RSPH9: variants seen among roughly 807,000 people sequenced by gnomAD.
RSPH9 encodes the protein radial spoke head component 9, also known as radial spoke head protein 9 homolog.
In RSPH9, 27 loss-of-function variants were observed where a neutral mutation model predicts 27.0. That is an observed-to-expected ratio of 1.00 (90% CI 0.74 to 1.38). The LOEUF is 1.38. Ranked by LOEUF, RSPH9 falls within the 40% of genes most tolerant of loss-of-function variation. The probability of loss-of-function intolerance (pLI) is 0.00; values close to 1 mark genes in which losing one functional copy is unlikely to be tolerated. For synonymous variants in RSPH9, 145 were observed against 147.7 expected, an observed-to-expected ratio of 0.98 and a Z score of 0.13; for missense variants, 347 against 357.4, an observed-to-expected ratio of 0.97 and a Z score of 0.24.
chr6:43,672,095 G>A lies in RSPH9; in HGVS notation c.*1146G>A, dbSNP rs1454711378. On this transcript the variant is annotated 3_prime_UTR_variant, in exon 5 of 5. Coordinates refer to ENST00000372163, the MANE Select transcript of RSPH9 (RefSeq NM_152732.5). ...AGCGTCCTGTAAACAGATGGGCTGGGCTCTTGCTGCCGCAAGCCTGTGTGG... is the reference window on the plus strand; with the variant it reads ...AGCGTCCTGTAAACAGATGGGCTGGACTCTTGCTGCCGCAAGCCTGTGTGG... 1.4e-6 allele frequency: 1 copy of A among 694,110 alleles called. No homozygotes were observed. The highest frequency in any genetic ancestry group is 2.4e-6 in the Non-Finnish European group (1 of 423,032). 43.0% of individuals were successfully genotyped at this position (694,110 alleles called of 1,614,324 possible).
intron 4 of RSPH9, among the ~76,000 whole-genome samples, chr6:43,667,971 T>C (rs1481577124): frequency 2.0e-5 from 3 of 152,028 alleles, no homozygotes; most frequent in Non-Finnish European, 2.9e-5. Flanking sequence ...GAGGTTTCCA[T>C]ACTAGCAAGG....
chr6:43,671,025 T>C lies in RSPH9; in HGVS notation c.*76T>C. The C allele has an allele frequency of 6.4e-7, 1 of 1,552,928 alleles. No individual in the cohort carries two copies. The highest frequency in any genetic ancestry group is 8.8e-7 in the Non-Finnish European group (1 of 1,132,672). ...TAAGCTTCAGTGAACTTGGCCTGCC[T>C]GTTCTGTCCTATCTTCTTAACTCCA... On this transcript the variant is annotated 3_prime_UTR_variant, in exon 5 of 5. Coordinates refer to ENST00000372163, the MANE Select transcript of RSPH9 (RefSeq NM_152732.5).
At chr6:43,649,785 T>C (rs971169281) in intron 1 of RSPH9, among the ~76,000 whole-genome samples, 2 of 152,024 alleles carry the variant, frequency 1.3e-5, no homozygotes, top group African/African-American at 2.4e-5. Flanking sequence ...ATCCACACAA[T>C]TGAGGAAAGT....
chr6:43,648,831 G>A (rs1771147639), intron 1 of RSPH9, among the ~76,000 whole-genome samples: 2 of 152,138 alleles, frequency 1.3e-5, no homozygotes, highest in South Asian at 2.1e-4. Context: ...GGGAAAGATT[G>A]CAAAAAGAAA....
Position 43,656,706 on chromosome 6 carries a change from A to G in RSPH9, c.653A>G (p.Glu218Gly). 1 of 1,614,150 alleles carries G rather than the reference A, an allele frequency of 6.2e-7. No individual in the cohort carries two copies. Among genetic ancestry groups the G allele is most frequent in the South Asian group, 1.1e-5 (1 of 91,076 alleles). Residue 218 changes from glutamate to glycine, a missense_variant, in exon 4 of 5, where the codon GAG becomes GGG. Coordinates refer to ENST00000372163, the MANE Select transcript of RSPH9 (RefSeq NM_152732.5). ...DPSLDFMDSL[E>G]HDIPKGSWSI... ...TCCCTGGATTTCATGGACTCCTTGG[A>G]GCATGACATTCCCAAAGGTAATAGT... is the stretch of plus-strand genomic sequence containing the variant.
Position 43,645,211 on chromosome 6 carries a change from A to G in RSPH9, c.113A>G (p.Asp38Gly). The G allele has an allele frequency of 6.2e-7, 1 of 1,613,202 alleles. No individual in the cohort carries two copies. Among genetic ancestry groups the G allele is most frequent in the Non-Finnish European group, 8.5e-7 (1 of 1,179,260 alleles). ...LLTSLMLVKR[D>G]YRYDRVLFWG... ...ACGTCTCTTATGCTGGTTAAGCGCGACTACCGCTATGATCGGGTTCTCTTC... is the reference window on the plus strand; with the variant it reads ...ACGTCTCTTATGCTGGTTAAGCGCGGCTACCGCTATGATCGGGTTCTCTTC... The change falls in exon 1 of 5, where the codon GAC becomes GGC. Residue 38 changes from aspartate to glycine, a missense_variant. By Grantham distance (94) the Asp-to-Gly change is moderately conservative. Coordinates refer to ENST00000372163, the MANE Select transcript of RSPH9 (RefSeq NM_152732.5).
Position 43,670,685 on chromosome 6 carries a change from T to C in RSPH9, c.671-104T>C, listed in dbSNP as rs112769121. On this transcript the variant is annotated intron_variant, in intron 4 of 4. Coordinates refer to ENST00000372163, the MANE Select transcript of RSPH9 (RefSeq NM_152732.5). ...AAATGGTCTCTCCCCAGTGGAACCATAGCACCTGGGCCTGGCTGCCCAAGG... is the reference window on the plus strand; with the variant it reads ...AAATGGTCTCTCCCCAGTGGAACCACAGCACCTGGGCCTGGCTGCCCAAGG... 2,548 of 918,556 alleles carry C rather than the reference T, an allele frequency of 2.8e-3. 44 individuals carry two copies. The African/African-American group carries it at 0.035, about 13-fold the overall frequency. The allele number at this position is 918,556 out of a possible 1,614,324, so 56.9% of individuals were successfully genotyped here. A position where few individuals can be genotyped will look rare whatever the true frequency, so the allele number is the denominator to read the frequency against.
intron 4 of RSPH9, among the ~76,000 whole-genome samples, chr6:43,664,412 T>C (rs1417862903): frequency 6.6e-6 from 1 of 152,172 alleles, no homozygotes; most frequent in Non-Finnish European, 1.5e-5. Context: ...TTAATTTTTT[T>C]AGTGGCAGAA....
Position 43,671,193 on chromosome 6 carries a change from C to G in RSPH9, c.*244C>G, listed in dbSNP as rs899489320. ...AATGGCTGTGGGAGAAGGTGACAACCAGGGCCCCTTTGAGGAACGCAGTTT... is the reference window on the plus strand; with the variant it reads ...AATGGCTGTGGGAGAAGGTGACAACGAGGGCCCCTTTGAGGAACGCAGTTT... On this transcript the variant is annotated 3_prime_UTR_variant, in exon 5 of 5. Transcript: ENST00000372163. 1.0e-5 allele frequency: 6 copies of G among 593,376 alleles called. No homozygotes were observed. The highest frequency in any genetic ancestry group is 1.8e-5 in the Non-Finnish European group (6 of 335,590). 36.8% of individuals were successfully genotyped at this position (593,376 alleles called of 1,614,324 possible).
chr6:43,667,650 T>C (rs1773283214), intron 4 of RSPH9, among the ~76,000 whole-genome samples: 1 of 152,188 alleles, frequency 6.6e-6, no homozygotes, highest in African/African-American at 2.4e-5. Context: ...TGCTACTCGA[T>C]TTGATACGGG....
Position 43,645,327 on chromosome 6 carries a change from T to G in RSPH9, c.227+2T>G. The G allele has an allele frequency of 1.7e-6, 2 of 1,162,352 alleles. No individual in the cohort carries two copies. Among genetic ancestry groups the G allele is most frequent in the Non-Finnish European group, 2.2e-6 (2 of 918,992 alleles). 72.0% of individuals were successfully genotyped at this position (1,162,352 alleles called of 1,614,324 possible). On this transcript the variant is annotated splice_donor_variant, in intron 1 of 4. Coordinates refer to ENST00000372163, the MANE Select transcript of RSPH9 (RefSeq NM_152732.5). LOFTEE classifies it high-confidence loss of function. ...CGCACCGCGCAAGACGCTCTATAGGTGAGGAGGCCCCCGGGACGGGCTCCC... is the reference window on the plus strand; with the variant it reads ...CGCACCGCGCAAGACGCTCTATAGGGGAGGAGGCCCCCGGGACGGGCTCCC...
rs1773728740 is a variant in RSPH9 at position 43,671,967 on chromosome 6, A to C, written c.*1018A>C. ...TGGGGGCCCAAGCTGGACGTGGGAG[A>C]GTGGAGCACTACCTCCTCAGGCCAG... On this transcript the variant is annotated 3_prime_UTR_variant, in exon 5 of 5. Transcript: ENST00000372163. 1.3e-6 allele frequency: 2 copies of C among 1,501,120 alleles called. No homozygotes were observed. Among genetic ancestry groups the C allele is most frequent in the Admixed American group, 4.4e-5 (2 of 45,628 alleles). The allele number at this position is 1,501,120 out of a possible 1,614,324, so 93.0% of individuals were successfully genotyped here.
At chr6:43,670,614 G>T (rs765004015) in intron 4 of RSPH9, among the ~76,000 whole-genome samples, 175 bp from the exon 5 acceptor site, 3 of 152,182 alleles carry the variant, frequency 2.0e-5, no homozygotes, top group Admixed American at 6.5e-5. Context: ...AAAACGAAAA[G>T]AATAATGGCT....
chr6:43,652,719 C>T (rs556114765), intron 2 of RSPH9, among the ~76,000 whole-genome samples: 56 of 146,572 alleles, frequency 3.8e-4, no homozygotes, highest in Non-Finnish European at 5.2e-4. Flanking sequence ...AGCCACCATG[C>T]CCAACTTCCG....
intron 4 of RSPH9, among the ~76,000 whole-genome samples, chr6:43,665,234 C>A (rs992912697): frequency 1.3e-5 from 2 of 152,180 alleles, no homozygotes; most frequent in African/African-American, 4.8e-5. Flanking sequence ...AAGGGAACAC[C>A]ATCAGCCCTA....
At position 43,655,992 on chromosome 6, in the gene RSPH9, C is replaced by G. The variant is rs28514841; in HGVS notation, c.523+301C>G. On this transcript the variant is annotated intron_variant, in intron 3 of 4. Coordinates refer to ENST00000372163, the MANE Select transcript of RSPH9 (RefSeq NM_152732.5). ...TCCTATCTCCTTCCTCCTTGGACTT[C>G]CTTCCTTCCTTCCTTCCTTCCTTCC... Among the ~76,000 whole-genome samples the G allele has an allele frequency of 0.18, 18,226 of 100,442 alleles. 2,885 individuals are homozygous for G. Among genetic ancestry groups the G allele is most frequent in the African/African-American group, 0.47 (13,428 of 28,694 alleles). The allele number at this position is 100,442 out of a possible 152,430, so 65.9% of individuals were successfully genotyped here. A position where few individuals can be genotyped will look rare whatever the true frequency, so the allele number is the denominator to read the frequency against.
At chr6:43,653,680 T>A (rs554121127) in intron 2 of RSPH9, among the ~76,000 whole-genome samples, 18 of 152,082 alleles carry the variant, frequency 1.2e-4, no homozygotes, top group Non-Finnish European at 2.5e-4. Flanking sequence ...CCTACCTGAT[T>A]GACTTAATCT....
chr6:43,669,208 G>A (rs1042318479), intron 4 of RSPH9, among the ~76,000 whole-genome samples: 3 of 152,194 alleles, frequency 2.0e-5, no homozygotes, highest in Admixed American at 6.5e-5. Flanking sequence ...GTGGGCTGGA[G>A]GGGGCTGACG....
chr6:43,652,106 A>G (rs1452839449), intron 2 of RSPH9, among the ~76,000 whole-genome samples: 3 of 151,496 alleles, frequency 2.0e-5, no homozygotes, highest in Non-Finnish European at 4.4e-5. Context: ...GGAGATTGAG[A>G]CCATCCTGGC....
Sources: gnomAD v4.1 joint callset for allele counts (sites outside exome capture counted in the v4.1 genomes callset) on GRCh38, gnomAD v4.1.1 for gene constraint, MANE v1.5 for transcripts, NCBI Gene and HGNC (gene_info 2026-07-23, HGNC 2026-07-21) for gene names.